VWA5B1: variants seen among roughly 807,000 people sequenced by gnomAD.
VWA5B1 encodes von Willebrand factor A domain-containing protein 5B1.
In VWA5B1, 115 loss-of-function variants were observed where a neutral mutation model predicts 118.2. The ratio of observed to expected loss-of-function variants is 0.97; its 90% confidence interval spans 0.84 to 1.14. The LOEUF (loss-of-function observed/expected upper bound fraction) is 1.14, where lower values mean the gene tolerates loss of function less well. VWA5B1 is among the 50% of genes most tolerant of loss of function. The pLI is 0.00. For synonymous variants in VWA5B1, 682 were observed against 658.4 expected (o/e 1.04, Z -0.55); for missense variants, 1,596 against 1,603.8 (o/e 1.00, Z 0.08).
rs1255373107 is a variant in VWA5B1, at chr1:20,357,583, G to C, written c.*3320G>C. On this transcript the variant is annotated 3_prime_UTR_variant, in exon 22 of 22. Coordinates refer to ENST00000289815, the MANE Select transcript of VWA5B1 (RefSeq NM_001039500.3). ...AGAAAGCCTTTACTGGGTGCCTACT[G>C]TATGCCAGGCATGGCATACTGGGGT... Among the ~76,000 whole-genome samples the C allele has an allele frequency of 6.6e-6, 1 of 152,242 alleles. No homozygotes were observed. The highest frequency in any genetic ancestry group is 1.5e-5 in the Non-Finnish European group (1 of 68,036).
chr1:20,348,135 T>G, intron 17 of VWA5B1, 110 bp from the exon 18 acceptor site: 2 of 1,046,414 alleles, frequency 1.9e-6, no homozygotes, highest in Non-Finnish European at 2.8e-6. Context: ...CTTCCTGCCT[T>G]TGGATAATTG....
At chr1:20,313,055 C>T in intron 3 of VWA5B1, 67 bp downstream of exon 3, 1 of 1,521,090 alleles carries the variant, frequency 6.6e-7, no homozygotes, top group East Asian at 2.5e-5. Context: ...TGGGCTGGAG[C>T]CTCAGGCCAA....
intron 7 of VWA5B1, among the ~76,000 whole-genome samples, chr1:20,322,403 A>C (rs2100887731): frequency 6.6e-6 from 1 of 152,268 alleles, no homozygotes. Context: ...TTCTGTGTGA[A>C]GGGGAGGGGG....
In VWA5B1 at chr1:20,351,978, T is replaced by C. The variant is rs142926360; in HGVS notation, c.3024-77T>C. On this transcript the variant is annotated intron_variant, in intron 20 of 21. Transcript: ENST00000289815. ...AGGGAGCCATCTATTGCATTCCTTC[T>C]GACCCTGACTTTCAGGGGCTTCTGG... 107 of 1,159,952 alleles carry C rather than the reference T, an allele frequency of 9.2e-5. 1 individual carries two copies. The African/African-American group carries it at 1.4e-3, about 15-fold the overall frequency. 71.9% of individuals were successfully genotyped at this position (1,159,952 alleles called of 1,614,324 possible).
At chr1:20,296,777 C>T (rs2088413870) in intron 1 of VWA5B1, among the ~76,000 whole-genome samples, 2 of 152,146 alleles carry the variant, frequency 1.3e-5, no homozygotes, top group Admixed American at 1.3e-4. Context: ...CTTCATTCAC[C>T]CTTTCCTATG....
chr1:20,337,569 A>G (rs2089752290), intron 13 of VWA5B1, 77 bp from the exon 14 acceptor site: 1 of 1,444,682 alleles, frequency 6.9e-7, no homozygotes, highest in Non-Finnish European at 9.3e-7. Flanking sequence ...GACACTTCCA[A>G]ACAGGAAAGG....
At chr1:20,323,603 G>A in intron 8 of VWA5B1, 71 bp downstream of exon 8, 1 of 1,282,844 alleles carries the variant, frequency 7.8e-7, no homozygotes, top group Non-Finnish European at 9.9e-7. Flanking sequence ...CCCCAATCCA[G>A]CTTCCTCAGC....
intron 1 of VWA5B1, among the ~76,000 whole-genome samples, chr1:20,294,018 A>G (rs1015855721): frequency 2.0e-5 from 3 of 152,166 alleles, no homozygotes; most frequent in African/African-American, 4.8e-5. Context: ...AAAGGGTGGA[A>G]ATAGGGAAAG....
At chr1:20,322,026 G>A (rs944850810) in intron 7 of VWA5B1, among the ~76,000 whole-genome samples, 6 of 152,210 alleles carry the variant, frequency 3.9e-5, no homozygotes, top group Admixed American at 3.3e-4. Context: ...AAGAGAGCAG[G>A]ATGAGACTAT....
rs2090188841 is a variant in VWA5B1 at position 20,354,222 on chromosome 1, C to G, written c.3607C>G (p.Leu1203Val). The G allele has an allele frequency of 6.4e-7, 1 of 1,550,804 alleles. No individual in the cohort carries two copies. The highest frequency in any genetic ancestry group is 8.7e-7 in the Non-Finnish European group (1 of 1,146,966). Reference sequence around the variant, plus strand: ...GCTTCTGCGGCACTGGGATGAGAATCTCGAGTTCAATATGCTCTGCTATAA... The same window carrying G: ...GCTTCTGCGGCACTGGGATGAGAATGTCGAGTTCAATATGCTCTGCTATAA... ...FVLLRHWDEN[L>V]EFNMLCYNPN... Residue 1203 changes from leucine to valine, a missense_variant, in exon 22 of 22, where the codon CTC (leucine) becomes GTC (valine). By Grantham distance (32) the Leu-to-Val change is conservative. Transcript: ENST00000289815.
At position 20,359,085 on chromosome 1, in the gene VWA5B1, G is replaced by T. The variant is rs2090278151; in HGVS notation, c.*4822G>T. Among the ~76,000 whole-genome samples the T allele has an allele frequency of 6.6e-6, 1 of 152,222 alleles. No homozygotes were observed. Among genetic ancestry groups the T allele is most frequent in the South Asian group, 2.1e-4 (1 of 4,836 alleles). ...ATGCTGCAAATCTCCTTGGCTCAGG[G>T]CCAGCCGTTTTGAGCTTACAGCCAC... On this transcript the variant is annotated 3_prime_UTR_variant, in exon 22 of 22. Coordinates refer to ENST00000289815, the MANE Select transcript of VWA5B1 (RefSeq NM_001039500.3).
At chr1:20,323,173 T>C (rs1035887612) in intron 7 of VWA5B1, 183 bp from the exon 8 acceptor site, 11 of 455,264 alleles carry the variant, frequency 2.4e-5, no homozygotes, top group African/African-American at 1.8e-4. Flanking sequence ...GCAAAGTCCA[T>C]GCTTGCTGTT....
rs1570204768 is a variant in VWA5B1 at position 20,342,557 on chromosome 1, C to T, written c.2259C>T (p.Ala753=). ...TGCCCTGGGGCCAGGAGACCCAGGC[C>T]TGGAGCCCTGTGAGAGAGCGGACTT... ...PFLPWGQETQ[A]WSPVRERTSD... Residue 753 remains alanine, a synonymous_variant, in exon 15 of 22, where the codon GCC becomes GCT. Transcript: ENST00000289815. 3.3e-6 allele frequency: 5 copies of T among 1,533,426 alleles called. No individual in the cohort carries two copies. In the South Asian group the frequency reaches 6.1e-5, roughly 19 times the overall value. 95.0% of individuals were successfully genotyped at this position (1,533,426 alleles called of 1,614,324 possible).
intron 20 of VWA5B1, 27 bp from the exon 21 acceptor site, chr1:20,352,028 C>G: frequency 6.5e-7 from 1 of 1,541,458 alleles, no homozygotes; most frequent in South Asian, 1.2e-5. Context: ...TTGGGATGCC[C>G]AGGGCCACCT....
At chr1:20,350,034 A>T in intron 18 of VWA5B1, 122 bp from the exon 19 acceptor site, 1 of 958,302 alleles carries the variant, frequency 1.0e-6, no homozygotes, top group South Asian at 1.5e-5. Context: ...CAGGGGTGGA[A>T]ACCCTAGCCT....
chr1:20,323,663 C>A, intron 8 of VWA5B1, 131 bp downstream of exon 8: 2 of 987,640 alleles, frequency 2.0e-6, no homozygotes, highest in Non-Finnish European at 2.7e-6. Flanking sequence ...AACAGAGATA[C>A]CCAAACTCCA....
At chr1:20,338,330 C>T (rs1008280306) in intron 14 of VWA5B1, 1 of 320,388 alleles carries the variant, frequency 3.1e-6, no homozygotes, top group Non-Finnish European at 6.1e-6. Context: ...TTACCCAGGG[C>T]AGAGAGGATT....
intron 1 of VWA5B1, among the ~76,000 whole-genome samples, chr1:20,306,364 C>G (rs1288109517): frequency 6.6e-6 from 1 of 152,096 alleles, no homozygotes; most frequent in African/African-American, 2.4e-5. Flanking sequence ...TGGGGGCCAT[C>G]AGGGAGTTTG....
chr1:20,353,964 C>T lies in VWA5B1; in HGVS notation c.3349C>T (p.Leu1117=). The part of the protein sequence containing the change: ...PRHPSCDSFS[L]EPLAKGKLGL... The stretch of plus-strand genomic sequence containing the variant: ...GCACCCGTCCTGTGACAGCTTCTCC[C>T]TGGAGCCTCTGGCCAAGGGCAAGCT... The change falls in exon 22 of 22, where the codon CTG becomes TTG. Residue 1117 remains leucine (L), a synonymous_variant. Transcript: ENST00000289815. 1 of 1,551,714 alleles carries T rather than the reference C, an allele frequency of 6.4e-7. No individual in the cohort carries two copies. The highest frequency in any genetic ancestry group is 8.7e-7 in the Non-Finnish European group (1 of 1,147,002).
Sources: allele counts gnomAD v4.1 joint callset (sites outside exome capture counted in the v4.1 genomes callset), GRCh38; gene constraint gnomAD v4.1.1; transcripts MANE v1.5; gene names NCBI Gene and HGNC (gene_info 2026-07-23, HGNC 2026-07-21).